SEC31A: variants seen among roughly 807,000 people sequenced by gnomAD.
SEC31A encodes SEC31 homolog A, COPII component, also known as protein transport protein Sec31A.
In SEC31A, 70 loss-of-function variants were observed where a neutral mutation model predicts 151.0. The ratio of observed to expected loss-of-function variants is 0.46; its 90% confidence interval spans 0.38 to 0.57. SEC31A has a LOEUF of 0.57. SEC31A is among the 20% of genes least tolerant of loss of function. SEC31A has a pLI of 0.00. For missense variants in SEC31A, 1,330 were observed against 1,471.2 expected, an observed-to-expected ratio of 0.90 and a Z score of 1.57; for synonymous variants, 475 against 505.9, an observed-to-expected ratio of 0.94 and a Z score of 0.82.
rs756567430 is a variant in SEC31A, at chr4:82,842,361, G to A, written c.2747C>T (p.Ala916Val). Residue 916 changes from alanine (A) to valine (V), a missense_variant, in exon 22 of 27, where the codon GCT becomes GTT. By Grantham distance (64) the Ala-to-Val change is moderately conservative (BLOSUM62 0). Transcript: ENST00000395310. ...AYPNTPYISS[A>V]SSYTGQSQLY... ...CTGAGACTGCCCAGTATAGGAAGAA[G>A]CAGAAGATATGTAAGGGGTGTTAGG... 5.0e-6 allele frequency: 8 copies of A among 1,613,762 alleles called. No homozygotes were observed. Among genetic ancestry groups the A allele is most frequent in the Non-Finnish European group, 6.8e-6 (8 of 1,179,896 alleles).
At chr4:82,820,042 G>A (rs912061469) in intron 26 of SEC31A, among the ~76,000 whole-genome samples, 8 of 151,716 alleles carry the variant, frequency 5.3e-5, no homozygotes, top group African/African-American at 9.7e-5. Context: ...GATTACAGGC[G>A]TGAGCCACCA....
At chr4:82,876,049 A>G (rs1737839403) in intron 4 of SEC31A, among the ~76,000 whole-genome samples, 1 of 152,120 alleles carries the variant, frequency 6.6e-6, no homozygotes, top group Non-Finnish European at 1.5e-5. Context: ...AAAGATGTCT[A>G]CTGAGAACAA....
intron 24 of SEC31A, among the ~76,000 whole-genome samples, chr4:82,825,491 C>G (rs1261495783): frequency 6.6e-6 from 1 of 152,100 alleles, no homozygotes; most frequent in Admixed American, 6.5e-5. Flanking sequence ...ACTGGAAGGA[C>G]AAAATGGAGT....
At chr4:82,893,306 G>A (rs1719926696), upstream of SEC31A, 1 of 152,130 alleles carries the variant, frequency 6.6e-6, no homozygotes, top group Admixed American at 6.6e-5. Context: ...TGGCCTCCAG[G>A]GATCCTTCTG....
intron 24 of SEC31A, among the ~76,000 whole-genome samples, chr4:82,827,090 G>A (rs542330894): frequency 2.2e-4 from 33 of 152,312 alleles, no homozygotes; most frequent in African/African-American, 7.7e-4. Context: ...CTCACGCAGA[G>A]ATGATTTATC....
intron 22 of SEC31A, among the ~76,000 whole-genome samples, chr4:82,831,681 C>T (rs1476557931): frequency 6.6e-6 from 1 of 152,080 alleles, no homozygotes; most frequent in African/African-American, 2.4e-5. Flanking sequence ...TGGTCTGTAC[C>T]CTGCAGAAAC....
At chr4:82,849,163 G>A (rs1730876714) in intron 19 of SEC31A, among the ~76,000 whole-genome samples, 186 bp from the exon 20 acceptor site, 1 of 152,138 alleles carries the variant, frequency 6.6e-6, no homozygotes, top group African/African-American at 2.4e-5. Flanking sequence ...TGGCACCAAA[G>A]GTCCATGACA....
At chr4:82,840,422 G>A (rs534747935) in intron 22 of SEC31A, among the ~76,000 whole-genome samples, 4 of 152,106 alleles carry the variant, frequency 2.6e-5, no homozygotes, top group East Asian at 3.9e-4. Flanking sequence ...AAATGAATTA[G>A]CATTCCTCTC....
At chr4:82,891,336 C>CG (rs1169546741), upstream of SEC31A, 1 of 712,810 alleles carries the variant, frequency 1.4e-6, no homozygotes, top group Admixed American at 2.8e-5. Flanking sequence ...GGTACGGCTC[C>CG]GCTGGTTGGT....
chr4:82,866,030 C>A, intron 10 of SEC31A, among the ~76,000 whole-genome samples: 1 of 136,122 alleles, frequency 7.3e-6, no homozygotes. Flanking sequence ...AAAAAGAAAG[C>A]TAAAAGGATG....
intron 8 of SEC31A, among the ~76,000 whole-genome samples, chr4:82,867,760 G>C (rs1157933508): frequency 6.6e-6 from 1 of 152,102 alleles, no homozygotes; most frequent in Non-Finnish European, 1.5e-5. Flanking sequence ...AGCCTCCCAA[G>C]CAGCTGGGAT....
intron 23 of SEC31A, 151 bp downstream of exon 23, chr4:82,828,849 T>C: frequency 1.9e-6 from 1 of 531,990 alleles, no homozygotes; most frequent in Non-Finnish European, 3.4e-6. Flanking sequence ...CTTCCTTCCA[T>C]GGATTAGAAG....
intron 13 of SEC31A, 87 bp from the exon 14 acceptor site, chr4:82,861,795 C>A: frequency 2.7e-6 from 2 of 739,552 alleles, no homozygotes; most frequent in South Asian, 1.9e-5. Context: ...AAGACCCAAC[C>A]AACAACATTC....
chr4:82,891,534 G>T (rs1560682173), upstream of SEC31A, among the ~76,000 whole-genome samples: 1 of 152,252 alleles, frequency 6.6e-6, no homozygotes, highest in Non-Finnish European at 1.5e-5. Flanking sequence ...GGCGTCGGCA[G>T]CCCCTGGCGA....
intron 14 of SEC31A, 75 bp downstream of exon 14, chr4:82,861,556 A>C (rs1734120377): frequency 2.1e-6 from 2 of 949,718 alleles, no homozygotes; most frequent in Admixed American, 2.4e-5. Context: ...TAGTCAAGAA[A>C]ATTTTCCTTA....
rs201234452 is a variant in SEC31A, at chr4:82,851,615, A to C, written c.2155-11T>G. 251 of 1,600,014 alleles carry C rather than the reference A, an allele frequency of 1.6e-4. 1 individual carries two copies. Among genetic ancestry groups the C allele is most frequent in the Middle Eastern group, 1.3e-3 (8 of 6,006 alleles). On this transcript the variant is annotated splice_polypyrimidine_tract_variant and intron_variant, in intron 18 of 26. Coordinates refer to ENST00000395310, the MANE Select transcript of SEC31A (RefSeq NM_001077207.4). Reference sequence around the variant, plus strand: ...TTTCTCAATCAGATCCTAAATGAAAAAAATGAGTAACAAACAGAAATATCA... The same window carrying C: ...TTTCTCAATCAGATCCTAAATGAAACAAATGAGTAACAAACAGAAATATCA...
chr4:82,819,591 G>A (rs968993647), intron 26 of SEC31A, among the ~76,000 whole-genome samples: 1 of 151,990 alleles, frequency 6.6e-6, no homozygotes, highest in Non-Finnish European at 1.5e-5. Flanking sequence ...ATTCTCCTAT[G>A]CACAAAAAGG....
chr4:82,844,521 G>T lies in SEC31A; in HGVS notation c.2503-12C>A. The T allele has an allele frequency of 6.2e-7, 1 of 1,612,414 alleles. No individual in the cohort carries two copies. The highest frequency in any genetic ancestry group is 8.5e-7 in the Non-Finnish European group (1 of 1,178,712). ...GGAGGATTTTCTCCCTAAGAAACAA[G>T]AACATGGTAAGAAGGCGGATACAAG... is the stretch of plus-strand genomic sequence containing the variant. On this transcript the variant is annotated splice_polypyrimidine_tract_variant and intron_variant, in intron 20 of 26. Coordinates refer to ENST00000395310, the MANE Select transcript of SEC31A (RefSeq NM_001077207.4).
chr4:82,825,744 T>C (rs575061651), intron 24 of SEC31A, among the ~76,000 whole-genome samples: 1 of 152,290 alleles, frequency 6.6e-6, no homozygotes, highest in Non-Finnish European at 1.5e-5. Context: ...AAAGTAGATA[T>C]CGGCAGACCA....
Sources: allele counts gnomAD v4.1 joint callset (sites outside exome capture counted in the v4.1 genomes callset), GRCh38; gene constraint gnomAD v4.1.1; transcripts MANE v1.5; gene names NCBI Gene and HGNC (gene_info 2026-07-23, HGNC 2026-07-21).